Variants in SLC14A2 observed in about 807,000 individuals in gnomAD.
SLC14A2 encodes the protein solute carrier family 14 member 2.
Under a neutral mutation model 104.6 loss-of-function variants are expected in SLC14A2, and 91 were observed. The observed-to-expected ratio is 0.87, with a 90% CI of 0.73 to 1.04. SLC14A2 has a LOEUF of 1.04. Ranked by LOEUF, SLC14A2 falls within the 50% of genes least tolerant of loss-of-function variation. SLC14A2 has a pLI of 0.00. For synonymous variants in SLC14A2, 476 were observed against 466.4 expected, an observed-to-expected ratio of 1.02 and a Z score of -0.27; for missense variants, 1,189 against 1,156.0, an observed-to-expected ratio of 1.03 and a Z score of -0.41.
chr18:45,658,375 G>A (rs2045878674), intron 10 of SLC14A2, among the ~76,000 whole-genome samples: 1 of 152,142 alleles, frequency 6.6e-6, no homozygotes, highest in East Asian at 1.9e-4. Context: ...GAGGTCAGGA[G>A]TTCGAGACCA....
chr18:45,511,258 C>A (rs2043361898), intron 2 of SLC14A2, among the ~76,000 whole-genome samples: 1 of 152,188 alleles, frequency 6.6e-6, no homozygotes, highest in South Asian at 2.1e-4. Flanking sequence ...AAAATTTCCT[C>A]CCCAACTAGG....
At chr18:45,433,400 A>G (rs1009498003) in intron 1 of SLC14A2, among the ~76,000 whole-genome samples, 4 of 152,190 alleles carry the variant, frequency 2.6e-5, no homozygotes, top group Admixed American at 6.5e-5. Context: ...GCCTTCTTCT[A>G]TGATGGATAT....
intron 1 of SLC14A2, among the ~76,000 whole-genome samples, chr18:45,331,690 CAA>C (rs11348476): frequency 2.5e-4 from 22 of 87,394 alleles, no homozygotes; most frequent in Admixed American, 6.5e-4. Context: ...GACTCCGTCT[CAA>C]AAAAAAAAAA....
At chr18:45,444,223 C>T (rs2144590684) in intron 1 of SLC14A2, among the ~76,000 whole-genome samples, 1 of 152,320 alleles carries the variant, frequency 6.6e-6, no homozygotes, top group South Asian at 2.1e-4. Context: ...AGAGATAAGA[C>T]AAGTTGAGAG....
chr18:45,365,193 G>A (rs1044073718), intron 1 of SLC14A2, among the ~76,000 whole-genome samples: 1 of 152,212 alleles, frequency 6.6e-6, no homozygotes, highest in African/African-American at 2.4e-5. Flanking sequence ...CAGTGTCCCA[G>A]CTTTACAGAG....
intron 16 of SLC14A2, among the ~76,000 whole-genome samples, chr18:45,670,570 C>T (rs1214769851): frequency 2.0e-5 from 3 of 152,156 alleles, no homozygotes; most frequent in Admixed American, 6.5e-5. Context: ...CTTAGCTTTC[C>T]ACAGTAAGCA....
At chr18:45,538,432 A>T (rs541479796) in intron 2 of SLC14A2, among the ~76,000 whole-genome samples, 1 of 152,190 alleles carries the variant, frequency 6.6e-6, no homozygotes, top group Non-Finnish European at 1.5e-5. Flanking sequence ...ATCCAAGGCC[A>T]CGGTCATTTC....
At position 45,673,820 on chromosome 18, in the gene SLC14A2, AG is replaced by A; in HGVS notation, c.2512+5del. 1 of 1,613,860 alleles carries A rather than the reference AG, an allele frequency of 6.2e-7. No homozygotes were observed. Among genetic ancestry groups the A allele is most frequent in the Non-Finnish European group, 8.5e-7 (1 of 1,179,736 alleles). On this transcript the variant is annotated splice_donor_region_variant and intron_variant, in intron 18 of 19. Coordinates refer to ENST00000255226, the MANE Select transcript of SLC14A2 (RefSeq NM_007163.4). ...GCACCTCCTCGCCATCGCCTGCGGTAGGTACTCCCCACAGAGGATTTGTTTC... is the reference window on the plus strand; with the variant it reads ...GCACCTCCTCGCCATCGCCTGCGGTAGTACTCCCCACAGAGGATTTGTTTC...
the SLC14A2 span, among the ~76,000 whole-genome samples, chr18:45,186,360 G>C: frequency 2.6e-5 from 4 of 152,178 alleles, no homozygotes; most frequent in African/African-American, 9.7e-5. Context: ...AATGGGAAAG[G>C]ATTGGCTTTT....
chr18:45,428,161 C>A (rs1180649685), intron 1 of SLC14A2, among the ~76,000 whole-genome samples: 1 of 152,186 alleles, frequency 6.6e-6, no homozygotes, highest in African/African-American at 2.4e-5. Flanking sequence ...ACCAGCATTT[C>A]TTCTGGAAGT....
At chr18:45,678,585 C>T (rs1213547345) in intron 18 of SLC14A2, among the ~76,000 whole-genome samples, 1 of 152,182 alleles carries the variant, frequency 6.6e-6, no homozygotes, top group Non-Finnish European at 1.5e-5. Context: ...CCCTAGAAAC[C>T]CATATTATGT....
intron 2 of SLC14A2, among the ~76,000 whole-genome samples, chr18:45,587,458 G>A (rs1333989316): frequency 6.6e-6 from 1 of 152,140 alleles, no homozygotes; most frequent in Non-Finnish European, 1.5e-5. Flanking sequence ...CTTCGATTAT[G>A]TCCTCTTGTC....
At chr18:45,214,549 T>C (rs1007748833) in intron 1 of SLC14A2, among the ~76,000 whole-genome samples, 2 of 152,222 alleles carry the variant, frequency 1.3e-5, no homozygotes, top group Admixed American at 1.3e-4. Context: ...TTCTTGTTAC[T>C]GCTTAGAAAT....
At chr18:45,532,482 T>A (rs2043709465) in intron 2 of SLC14A2, among the ~76,000 whole-genome samples, 1 of 138,748 alleles carries the variant, frequency 7.2e-6, no homozygotes, top group African/African-American at 3.2e-5. Flanking sequence ...GGGAGTTCAC[T>A]CATGATTTGG....
intron 1 of SLC14A2, among the ~76,000 whole-genome samples, chr18:45,224,870 G>A (rs56064730): frequency 0.11 from 17,189 of 152,068 alleles, 987 homozygotes; most frequent in Non-Finnish European, 0.12. Flanking sequence ...GGCTAATGAG[G>A]GTAGTTCTAT....
At chr18:45,509,639 C>T (rs907956152) in intron 2 of SLC14A2, among the ~76,000 whole-genome samples, 1 of 152,188 alleles carries the variant, frequency 6.6e-6, no homozygotes, top group African/African-American at 2.4e-5. Context: ...GACTGGGAAG[C>T]CAGGTCACAT....
chr18:45,358,717 C>G (rs2085580057), intron 1 of SLC14A2, among the ~76,000 whole-genome samples: 1 of 152,130 alleles, frequency 6.6e-6, no homozygotes, highest in Admixed American at 6.5e-5. Context: ...ACAGAGATTA[C>G]AGTCATACAC....
rs534835981 is a variant in SLC14A2 at position 45,584,594 on chromosome 18, G to A, written c.-34-40037G>A. 2.0e-5 allele frequency among the ~76,000 whole-genome samples: 3 copies of A among 152,310 alleles called. No individual in the cohort carries two copies. The South Asian group carries it at 6.2e-4, about 32-fold the overall frequency. On this transcript the variant is annotated intron_variant, in intron 2 of 20. Coordinates refer to the SLC14A2 transcript ENST00000586448. The stretch of plus-strand genomic sequence containing the variant: ...CACAGTGTTCAGAAATGCACCTGTT[G>A]ATTAGCCAAGGAGTTGAGCTGCCCC...
chr18:45,187,761 G>A, the SLC14A2 span, among the ~76,000 whole-genome samples: 1 of 118,384 alleles, frequency 8.4e-6, no homozygotes, highest in African/African-American at 2.7e-5. Flanking sequence ...TCTGCTTCTG[G>A]TAAAAAAATA....
Sources: allele counts gnomAD v4.1 joint callset (sites outside exome capture counted in the v4.1 genomes callset), GRCh38; gene constraint gnomAD v4.1.1; transcripts MANE v1.5; gene names NCBI Gene and HGNC (gene_info 2026-07-23, HGNC 2026-07-21).